TEKT5: variants seen among roughly 807,000 people sequenced by gnomAD.
TEKT5 encodes the protein tektin 5.
In TEKT5, 52 loss-of-function variants were observed where a neutral mutation model predicts 48.7. The ratio of observed to expected loss-of-function variants is 1.07; its 90% CI spans 0.86 to 1.35. The LOEUF (loss-of-function observed/expected upper bound fraction) is 1.35, where lower values mean the gene tolerates loss of function less well. TEKT5 is among the 40% of genes most tolerant of loss of function. The pLI is 0.00. For missense variants in TEKT5, 831 were observed against 641.6 expected (o/e 1.30, Z -3.19); for synonymous variants, 318 against 267.6 (o/e 1.19, Z -1.84).
intron 5 of TEKT5, among the ~76,000 whole-genome samples, chr16:10,657,374 C>T (rs539078852): frequency 6.6e-5 from 10 of 152,098 alleles, no homozygotes; most frequent in Middle Eastern, 3.4e-3. Context: ...GTGATGCACC[C>T]GCCTTGGCCT....
intron 5 of TEKT5, among the ~76,000 whole-genome samples, chr16:10,636,145 T>C (rs533241787): frequency 4.6e-5 from 7 of 152,104 alleles, no homozygotes; most frequent in South Asian, 2.1e-4. Flanking sequence ...GAGGCCGAGA[T>C]GGGTGGATCA....
intron 5 of TEKT5, among the ~76,000 whole-genome samples, chr16:10,647,814 CAT>C (rs1158919012): frequency 6.6e-6 from 1 of 152,210 alleles, no homozygotes; most frequent in Non-Finnish European, 1.5e-5. Flanking sequence ...GTCATTGATT[CAT>C]ATGTCAGTGC....
Position 10,694,339 on chromosome 16 carries a change from C to T in TEKT5, c.535G>A (p.Ala179Thr), listed in dbSNP as rs756640334. The T allele has an allele frequency of 3.3e-5, 53 of 1,608,084 alleles. No homozygotes were observed. Among genetic ancestry groups the T allele is most frequent in the East Asian group, 6.7e-5 (3 of 44,862 alleles). Residue 179 changes from alanine to threonine, a missense_variant, in exon 1 of 7, where the codon GCG becomes ACG. Coordinates refer to ENST00000283025, the MANE Select transcript of TEKT5 (RefSeq NM_144674.2). The stretch of plus-strand genomic sequence containing the variant: ...AATGGGCAGTTCACCTCATTGGCCG[C>T]GCACTCCAGCCGCCTCTTGACCGTC... Reference protein sequence around the residue: ...LETVKRRLECAANEVNCPLQV... With the variant: ...LETVKRRLECTANEVNCPLQV...
intron 6 of TEKT5, among the ~76,000 whole-genome samples, chr16:10,634,368 G>T (rs891702783): frequency 1.3e-5 from 2 of 152,140 alleles, no homozygotes; most frequent in Non-Finnish European, 2.9e-5. Flanking sequence ...TCTCTTGGGG[G>T]ATATCAACTC....
intron 5 of TEKT5, among the ~76,000 whole-genome samples, chr16:10,650,853 T>A (rs1898144416): frequency 6.7e-6 from 1 of 149,962 alleles, no homozygotes. Context: ...GCATTGCATT[T>A]CAGCCTGGGT....
chr16:10,647,136 G>A (rs892080410), intron 5 of TEKT5, among the ~76,000 whole-genome samples: 1 of 152,034 alleles, frequency 6.6e-6, no homozygotes, highest in Admixed American at 6.6e-5. Context: ...CCTATTGCTG[G>A]GGTGGACGGG....
chr16:10,640,852 A>G (rs534525585), intron 5 of TEKT5, among the ~76,000 whole-genome samples: 24 of 152,098 alleles, frequency 1.6e-4, no homozygotes, highest in Non-Finnish European at 3.4e-4. Context: ...ATATAGCTAG[A>G]CCACAATTTT....
intron 6 of TEKT5, among the ~76,000 whole-genome samples, chr16:10,628,587 G>C (rs1339109954): frequency 1.3e-5 from 2 of 152,220 alleles, no homozygotes; most frequent in Non-Finnish European, 2.9e-5. Flanking sequence ...CACAGAATGG[G>C]AGATTATTCA....
rs189906829 is a variant in TEKT5 at position 10,688,436 on chromosome 16, G to A, written c.719+817C>T. ...CCCAGGGCTGATTTGGAAGGTGCCC[G>A]CCCCCCCTGCATCCACGCCAACTGC... On this transcript the variant is annotated intron_variant, in intron 3 of 6. Transcript: ENST00000283025. Among the ~76,000 whole-genome samples the A allele has an allele frequency of 1.2e-3, 186 of 152,228 alleles. 1 individual carries two copies. The highest frequency in any genetic ancestry group is 5.5e-3 in the Admixed American group (84 of 15,288).
chr16:10,655,735 A>C (rs1898250267), intron 5 of TEKT5, among the ~76,000 whole-genome samples: 1 of 152,206 alleles, frequency 6.6e-6, no homozygotes, highest in East Asian at 1.9e-4. Context: ...CTGCTAGCTC[A>C]AACTTAAGAT....
chr16:10,635,308 C>T (rs1897897668), intron 6 of TEKT5, among the ~76,000 whole-genome samples: 1 of 151,782 alleles, frequency 6.6e-6, no homozygotes, highest in Admixed American at 6.6e-5. Flanking sequence ...CAGCCAGGAG[C>T]TCATGAGGCT....
intron 3 of TEKT5, among the ~76,000 whole-genome samples, chr16:10,686,804 T>C (rs1324885357): frequency 2.0e-5 from 3 of 152,216 alleles, no homozygotes; most frequent in Non-Finnish European, 4.4e-5. Context: ...TGCGGCACAA[T>C]TTACGATAGC....
At chr16:10,678,113 T>C (rs1367343882) in intron 4 of TEKT5, among the ~76,000 whole-genome samples, 1 of 152,160 alleles carries the variant, frequency 6.6e-6, no homozygotes, top group African/African-American at 2.4e-5. Context: ...ATGCATTTCT[T>C]TGACCTGGCT....
intron 5 of TEKT5, among the ~76,000 whole-genome samples, chr16:10,651,785 C>G (rs558210550): frequency 6.6e-6 from 1 of 152,158 alleles, no homozygotes; most frequent in African/African-American, 2.4e-5. Context: ...CATGGCGAAA[C>G]CCCGTCTCTA....
At chr16:10,666,805 AC>A (rs1208195210) in intron 5 of TEKT5, among the ~76,000 whole-genome samples, 4 of 152,274 alleles carry the variant, frequency 2.6e-5, no homozygotes, top group Non-Finnish European at 4.4e-5. Flanking sequence ...ATCAGGACAT[AC>A]GGCTGTTTCC....
chr16:10,662,729 C>T (rs1365237143), intron 5 of TEKT5, among the ~76,000 whole-genome samples: 1 of 152,194 alleles, frequency 6.6e-6, no homozygotes, highest in Non-Finnish European at 1.5e-5. Flanking sequence ...ATGACAGGAC[C>T]ACCTGGAGTA....
chr16:10,648,575 G>T (rs960091784), intron 5 of TEKT5, among the ~76,000 whole-genome samples: 5 of 152,072 alleles, frequency 3.3e-5, no homozygotes, highest in Non-Finnish European at 7.4e-5. Flanking sequence ...CGAGTGATCC[G>T]CCTATCTCGG....
chr16:10,631,799 G>T (rs1196655472), intron 6 of TEKT5, among the ~76,000 whole-genome samples: 1 of 152,158 alleles, frequency 6.6e-6, no homozygotes, highest in African/African-American at 2.4e-5. Flanking sequence ...TCCGGAGCTG[G>T]GAGAGTGGAA....
chr16:10,675,278 C>A (rs867891096), intron 5 of TEKT5, among the ~76,000 whole-genome samples: 1 of 152,184 alleles, frequency 6.6e-6, no homozygotes, highest in South Asian at 2.1e-4. Flanking sequence ...CATGTTTATA[C>A]GGCTCCTCAT....
Sources: allele counts gnomAD v4.1 joint callset (sites outside exome capture counted in the v4.1 genomes callset), GRCh38; gene constraint gnomAD v4.1.1; transcripts MANE v1.5; gene names NCBI Gene and HGNC (gene_info 2026-07-23, HGNC 2026-07-21).